The following EPM2A variants were observed in gnomAD, a reference collection of about 807,000 sequenced individuals.
EPM2A encodes laforin.
EPM2A carries 21 observed loss-of-function variants against 26.5 expected under a neutral mutation model. That is an observed-to-expected ratio of 0.79 (90% confidence interval 0.56 to 1.14). The LOEUF (loss-of-function observed/expected upper bound fraction) is 1.14, where lower values mean the gene tolerates loss of function less well. Among genes scored for constraint, EPM2A ranks in the 50% most tolerant of loss-of-function variants. The pLI, the probability that EPM2A is intolerant of heterozygous loss-of-function variation, is 0.00. For missense variants in EPM2A, 458 were observed against 440.8 expected (o/e 1.04, Z -0.35); for synonymous variants, 217 against 177.6 (o/e 1.22, Z -1.76).
rs116782389 is a variant in EPM2A, at chr6:145,608,889, A to C, written c.340+26356T>G. 1.8e-3 allele frequency among the ~76,000 whole-genome samples: 275 copies of C among 152,354 alleles called. 2 individuals are homozygous for C. The highest frequency in any genetic ancestry group is 6.4e-3 in the African/African-American group (265 of 41,586). On this transcript the variant is annotated intron_variant, in intron 2 of 3. Transcript: ENST00000450221. ...ATTGAACTGACTTAACCAAATAGGC[A>C]ACAAATTATATCAAAGAGAAGAAAT... is the stretch of plus-strand genomic sequence containing the variant.
intron 2 of EPM2A, among the ~76,000 whole-genome samples, chr6:145,619,050 G>C (rs2128553490): frequency 6.6e-6 from 1 of 152,264 alleles, no homozygotes; most frequent in Non-Finnish European, 1.5e-5. Context: ...GGTTAGGAGG[G>C]TGGTAAATGG....
intron 2 of EPM2A, among the ~76,000 whole-genome samples, chr6:145,581,469 T>C (rs926793135): frequency 6.6e-5 from 10 of 152,226 alleles, no homozygotes; most frequent in Non-Finnish European, 2.9e-5. Context: ...GTTGATAGTT[T>C]ATTTTGCTGT....
chr6:145,414,546 A>AG (rs1778683247), intron 4 of EPM2A, among the ~76,000 whole-genome samples: 1 of 152,074 alleles, frequency 6.6e-6, no homozygotes, highest in Admixed American at 6.6e-5. Context: ...TTTCTCATAG[A>AG]GGATCTATTA....
intron 2 of EPM2A, among the ~76,000 whole-genome samples, chr6:145,667,889 T>G (rs1306685004): frequency 2.6e-5 from 4 of 150,990 alleles, no homozygotes; most frequent in Non-Finnish European, 5.9e-5. Context: ...TTGGAAATCA[T>G]CATTCTCAGT....
intron 2 of EPM2A, among the ~76,000 whole-genome samples, chr6:145,611,119 C>A (rs1030712304): frequency 6.6e-6 from 1 of 151,976 alleles, no homozygotes; most frequent in Non-Finnish European, 1.5e-5. Context: ...AAAAAATAGA[C>A]CACGAACAGA....
intron 3 of EPM2A, chr6:145,628,942 C>A (rs1040895377): frequency 1.3e-5 from 2 of 152,308 alleles, no homozygotes; most frequent in Non-Finnish European, 2.9e-5. Flanking sequence ...ACAGAGTTTA[C>A]CAAGGACCAC....
intron 4 of EPM2A, among the ~76,000 whole-genome samples, chr6:145,400,226 G>C (rs1856262): frequency 0.37 from 57,009 of 152,044 alleles, 10,946 homozygotes; most frequent in South Asian, 0.46. Flanking sequence ...TGCTGACTGA[G>C]AAATCTTGGC....
chr6:145,646,290 G>T (rs1032162021), intron 2 of EPM2A, among the ~76,000 whole-genome samples: 4 of 151,856 alleles, frequency 2.6e-5, no homozygotes, highest in Non-Finnish European at 2.9e-5. Flanking sequence ...CGGAGTAGCT[G>T]GGATTACAGG....
intron 4 of EPM2A, among the ~76,000 whole-genome samples, chr6:145,415,821 T>A (rs972055942): frequency 2.6e-5 from 4 of 152,192 alleles, no homozygotes; most frequent in African/African-American, 9.6e-5. Context: ...GAGAACTGCA[T>A]CCCCCGAGTT....
intron 2 of EPM2A, among the ~76,000 whole-genome samples, chr6:145,669,455 CAATGAATGGCAA>C (rs1163516240): frequency 6.6e-6 from 1 of 152,124 alleles, no homozygotes; most frequent in Non-Finnish European, 1.5e-5. Context: ...TAATCATAAT[CAATGAATGGCAA>C]AGTGACCATA....
At chr6:145,730,714 C>T (rs916861896) in intron 1 of EPM2A, among the ~76,000 whole-genome samples, 3 of 152,104 alleles carry the variant, frequency 2.0e-5, no homozygotes, top group Non-Finnish European at 4.4e-5. Context: ...GTTTCTGTTA[C>T]TTGCAATTAA....
chr6:145,549,761 C>T (rs952097005), intron 2 of EPM2A, among the ~76,000 whole-genome samples: 3 of 152,050 alleles, frequency 2.0e-5, no homozygotes, highest in African/African-American at 7.2e-5. Flanking sequence ...GACTTATGGT[C>T]ACAGTGTCCT....
In EPM2A at chr6:145,625,750, C is replaced by T. The variant is rs754599220; in HGVS notation, c.*1666G>A. 3 of 1,018,256 alleles carry T rather than the reference C, an allele frequency of 2.9e-6. No homozygotes were observed. The South Asian group carries it at 3.9e-5, about 13-fold the overall frequency. The allele number at this position is 1,018,256 out of a possible 1,614,324, so 63.1% of individuals were successfully genotyped here. The stretch of plus-strand genomic sequence containing the variant: ...CTCTGCCCAAAGCAAATGTCATCTC[C>T]CCTAAGTGCCACAGTTCTATCTCCC... On this transcript the variant is annotated 3_prime_UTR_variant, in exon 4 of 4. Coordinates refer to ENST00000367519, the MANE Select transcript of EPM2A (RefSeq NM_005670.4).
Position 145,625,972 on chromosome 6 carries a change from T to C in EPM2A, c.*1444A>G. Reference sequence around the variant, plus strand: ...CTTTGTATCTCACTTCATCTATTTATTCATCATGTGACAATAGACAGTTGA... The same window carrying C: ...CTTTGTATCTCACTTCATCTATTTACTCATCATGTGACAATAGACAGTTGA... On this transcript the variant is annotated 3_prime_UTR_variant, in exon 4 of 4. Coordinates refer to ENST00000367519, the MANE Select transcript of EPM2A (RefSeq NM_005670.4). 1 of 1,207,994 alleles carries C rather than the reference T, an allele frequency of 8.3e-7. No individual in the cohort carries two copies. The highest frequency in any genetic ancestry group is 1.8e-5 in the South Asian group (1 of 56,888). The allele number at this position is 1,207,994 out of a possible 1,614,324, so 74.8% of individuals were successfully genotyped here. A position where few individuals can be genotyped will look rare whatever the true frequency, so the allele number is the denominator to read the frequency against.
intron 4 of EPM2A, among the ~76,000 whole-genome samples, chr6:145,426,726 T>C (rs530413458): frequency 6.6e-6 from 1 of 152,294 alleles, no homozygotes; most frequent in African/African-American, 2.4e-5. Context: ...AGAACTGAAA[T>C]GAAATTTAAT....
At chr6:145,455,978 A>T (rs1201104722) in intron 4 of EPM2A, among the ~76,000 whole-genome samples, 1 of 152,206 alleles carries the variant, frequency 6.6e-6, no homozygotes, top group Non-Finnish European at 1.5e-5. Context: ...ATTTCCCAAG[A>T]TACCCCTTGG....
chr6:145,710,334 C>T (rs548724922), intron 1 of EPM2A, among the ~76,000 whole-genome samples: 3 of 152,082 alleles, frequency 2.0e-5, no homozygotes, highest in South Asian at 4.1e-4. Context: ...ACTTCTCAAA[C>T]GAAGACATTT....
At chr6:145,564,643 G>A (rs1047961505) in intron 2 of EPM2A, among the ~76,000 whole-genome samples, 1 of 152,160 alleles carries the variant, frequency 6.6e-6, no homozygotes, top group African/African-American at 2.4e-5. Flanking sequence ...GTATAAATTA[G>A]GTGGCAGATT....
At chr6:145,722,435 G>A (rs1176775050) in intron 1 of EPM2A, among the ~76,000 whole-genome samples, 5 of 152,054 alleles carry the variant, frequency 3.3e-5, no homozygotes, top group African/African-American at 9.7e-5. Flanking sequence ...CAAAGATACC[G>A]CACAGCCAAC....
Sources: allele counts gnomAD v4.1 joint callset (sites outside exome capture counted in the v4.1 genomes callset), GRCh38; gene constraint gnomAD v4.1.1; transcripts MANE v1.5; gene names NCBI Gene and HGNC (gene_info 2026-07-23, HGNC 2026-07-21).